Variants in ZBTB7A observed in about 807,000 individuals in gnomAD.
ZBTB7A encodes the protein zinc finger and BTB domain containing 7A.
A neutral mutation model predicts 26.7 loss-of-function variants in ZBTB7A; 7 were observed. The ratio of observed to expected loss-of-function variants is 0.26; its 90% CI spans 0.15 to 0.49. ZBTB7A has a LOEUF of 0.49. Among genes scored for constraint, ZBTB7A ranks in the 20% least tolerant of loss-of-function variants. ZBTB7A has a pLI of 0.98. For synonymous variants in ZBTB7A, 452 were observed against 441.0 expected (o/e 1.02, Z -0.31); for missense variants, 617 against 919.5 (o/e 0.67, Z 4.25).
chr19:4,059,882 G>A (rs1481420324), intron 1 of ZBTB7A, among the ~76,000 whole-genome samples: 7 of 152,146 alleles, frequency 4.6e-5, no homozygotes, highest in Admixed American at 3.3e-4. Context: ...ACAAAGTCTT[G>A]GCAATAAAAA....
rs756070378 is a variant in ZBTB7A at position 4,047,715 on chromosome 19, C to T, written c.*37G>A. ...TGATTTTTTTTCTCTCTCTCTGTCT[C>T]TCTCTTTCTCGGGTTTCTGTTTTCT... On this transcript the variant is annotated 3_prime_UTR_variant, in exon 3 of 3. Transcript: ENST00000322357. 8 of 1,563,826 alleles carry T rather than the reference C, an allele frequency of 5.1e-6. No homozygotes were observed. The African/African-American group carries it at 5.6e-5, about 11-fold the overall frequency.
In ZBTB7A at chr19:4,045,648, C is replaced by T. The variant is rs1458884676; in HGVS notation, c.*2104G>A. 1.1e-5 allele frequency: 4 copies of T among 367,508 alleles called. No individual in the cohort carries two copies. The highest frequency in any genetic ancestry group is 8.4e-5 in the African/African-American group (4 of 47,792). The allele number at this position is 367,508 out of a possible 1,614,324, so 22.8% of individuals were successfully genotyped here. A position where few individuals can be genotyped will look rare whatever the true frequency, so the allele number is the denominator to read the frequency against. Reference sequence around the variant, plus strand: ...GGTCGGGGGCAGGGAGACACCCCCCCGCCGGTTGGGCATTGACAAGAAGTC... The same window carrying T: ...GGTCGGGGGCAGGGAGACACCCCCCTGCCGGTTGGGCATTGACAAGAAGTC... On this transcript the variant is annotated 3_prime_UTR_variant, in exon 3 of 3. Transcript: ENST00000322357. The surrounding 1 kb of genome is among the most constrained non-coding windows in gnomAD (Gnocchi z 4.1).
chr19:4,054,243 C>A lies in ZBTB7A; in HGVS notation c.990G>T (p.Ala330=). The A allele has an allele frequency of 6.3e-7, 1 of 1,580,590 alleles. No homozygotes were observed. The highest frequency in any genetic ancestry group is 2.3e-5 in the East Asian group (1 of 44,280). ...CGTCGCTGTCCCCCGCCGCGGCCCCCGCCCGGCCCACCGATGACATCATCT... is the reference window on the plus strand; with the variant it reads ...CGTCGCTGTCCCCCGCCGCGGCCCCAGCCCGGCCCACCGATGACATCATCT... ...LQQMMSSVGR[A]GAAAGDSDEE... The change falls in exon 2 of 3, where the codon GCG becomes GCT. Residue 330 remains alanine (A), a synonymous_variant. Transcript: ENST00000322357.
At chr19:4,061,465 C>G (rs552179275) in intron 1 of ZBTB7A, 1 of 152,180 alleles carries the variant, frequency 6.6e-6, no homozygotes, top group South Asian at 2.1e-4. Flanking sequence ...GCCCAGTCCT[C>G]GGCCTGGGTT....
intron 1 of ZBTB7A, among the ~76,000 whole-genome samples, chr19:4,063,201 C>T (rs1029147390): frequency 2.6e-5 from 4 of 152,302 alleles, no homozygotes; most frequent in East Asian, 1.9e-4. Context: ...AAAGACACCA[C>T]GGGTGGCTTT....
rs749231615 is a variant in ZBTB7A at position 4,054,867 on chromosome 19, C to T, written c.366G>A (p.Val122=). The T allele has an allele frequency of 5.6e-6, 9 of 1,610,034 alleles. No individual in the cohort carries two copies. The highest frequency in any genetic ancestry group is 7.6e-6 in the Non-Finnish European group (9 of 1,178,262). The change falls in exon 2 of 3, where the codon GTG becomes GTA. Residue 122 remains valine, a synonymous_variant. Transcript: ENST00000322357. ...RLLEIPAVSH[V]CADLLDRQIL... is the part of the protein sequence containing the mutation. ...TCTGCCGGTCCAGGAGGTCGGCGCACACGTGGCTCACGGCGGGGATCTCCA... is the reference window on the plus strand; with the variant it reads ...TCTGCCGGTCCAGGAGGTCGGCGCATACGTGGCTCACGGCGGGGATCTCCA...
In ZBTB7A at chr19:4,054,672, G is replaced by A. The variant is rs750017590; in HGVS notation, c.561C>T (p.Ala187=). Residue 187 remains alanine, a synonymous_variant, in exon 2 of 3, where the codon GCC becomes GCT. Coordinates refer to ENST00000322357, the MANE Select transcript of ZBTB7A (RefSeq NM_015898.4). ...AAAAASFPWS[A]FGASDDDLDA... The stretch of plus-strand genomic sequence containing the variant: ...CCAGGTCATCATCGGACGCCCCAAA[G>A]GCGGACCACGGGAAGCTGGCAGCGG... The A allele has an allele frequency of 2.1e-5, 34 of 1,596,984 alleles. No individual in the cohort carries two copies. Among genetic ancestry groups the A allele is most frequent in the Non-Finnish European group, 2.8e-5 (33 of 1,172,336 alleles).
At chr19:4,053,681 G>T (rs2040532064) in intron 2 of ZBTB7A, among the ~76,000 whole-genome samples, 1 of 151,644 alleles carries the variant, frequency 6.6e-6, no homozygotes, top group South Asian at 2.1e-4. Context: ...TGTGGTGTGC[G>T]TGTGCGTGTG....
intron 1 of ZBTB7A, among the ~76,000 whole-genome samples, chr19:4,057,963 C>A (rs1210624139): frequency 5.3e-5 from 8 of 152,144 alleles, no homozygotes; most frequent in Non-Finnish European, 4.4e-5. Flanking sequence ...GACCCCTTGG[C>A]CTCCCCAACC....
In ZBTB7A at chr19:4,054,066, C is replaced by T. The variant is rs769629370; in HGVS notation, c.1167G>A (p.Lys389=). Reference sequence around the variant, plus strand: ...GCAGCTTGCCGGCGCCCTGGATGACCTTCTCGCAGATGGGGCACTTCTGGA... The same window carrying T: ...GCAGCTTGCCGGCGCCCTGGATGACTTTCTCGCAGATGGGGCACTTCTGGA... The part of the protein sequence containing the change: ...KAFQKCPICE[K]VIQGAGKLPR... Residue 389 remains lysine, a synonymous_variant, in exon 2 of 3, where the codon AAG becomes AAA. Transcript: ENST00000322357. 2 of 1,612,276 alleles carry T rather than the reference C, an allele frequency of 1.2e-6. No individual in the cohort carries two copies. Among genetic ancestry groups the T allele is most frequent in the East Asian group, 2.2e-5 (1 of 44,878 alleles).
Position 4,051,039 on chromosome 19 carries a change from A to T in ZBTB7A, c.1263-2795T>A, listed in dbSNP as rs112929391. ...CTTGAACCTGGGAGGTGGAGGTTGCAGTGAGCTGAGATCGTGCCACTGCAC... is the reference window on the plus strand; with the variant it reads ...CTTGAACCTGGGAGGTGGAGGTTGCTGTGAGCTGAGATCGTGCCACTGCAC... On this transcript the variant is annotated intron_variant, in intron 2 of 2. Coordinates refer to ENST00000322357, the MANE Select transcript of ZBTB7A (RefSeq NM_015898.4). Among the ~76,000 whole-genome samples, 308 of 134,024 alleles carry T rather than the reference A, an allele frequency of 2.3e-3. 2 individuals carry two copies. The highest frequency in any genetic ancestry group is 2.9e-3 in the Non-Finnish European group (185 of 64,886). 87.9% of individuals were successfully genotyped at this position (134,024 alleles called of 152,430 possible). A position where few individuals can be genotyped will look rare whatever the true frequency, so the allele number is the denominator to read the frequency against.
At chr19:4,056,450 G>A (rs1404327671) in intron 1 of ZBTB7A, among the ~76,000 whole-genome samples, 1 of 152,176 alleles carries the variant, frequency 6.6e-6, no homozygotes, top group Admixed American at 6.5e-5. Flanking sequence ...TTTGAGGCCC[G>A]GCTCGGTGCT....
In ZBTB7A at chr19:4,043,304, G is replaced by C. The variant is rs1457032500; in HGVS notation, c.*4448C>G. 6.6e-6 allele frequency among the ~76,000 whole-genome samples: 1 copy of C among 150,608 alleles called. No homozygotes were observed. Among genetic ancestry groups the C allele is most frequent in the Admixed American group, 6.6e-5 (1 of 15,170 alleles). On this transcript the variant is annotated 3_prime_UTR_variant, in exon 3 of 3. Transcript: ENST00000322357. Reference sequence around the variant, plus strand: ...AAATGAGGCGACTGAGGCGGCAGCGGTCGTAACAGGCTGCGTTTAGTGGTT... The same window carrying C: ...AAATGAGGCGACTGAGGCGGCAGCGCTCGTAACAGGCTGCGTTTAGTGGTT...
intron 1 of ZBTB7A, among the ~76,000 whole-genome samples, chr19:4,065,153 CAAGGG>C (rs1318181321): frequency 3.3e-5 from 5 of 151,478 alleles, no homozygotes; most frequent in Admixed American, 3.3e-4. Flanking sequence ...GTGGTGGCGT[CAAGGG>C]AAAGGAGGGG....
At position 4,066,699 on chromosome 19, in the gene ZBTB7A, G is replaced by C. The variant is rs1380963840; in HGVS notation, c.-33C>G. ...TGACTTACCTCGCGGGGCCGGGCCG[G>C]GGCGCGCGGGGCCGGGGCCCGAAGT... On this transcript the variant is annotated 5_prime_UTR_variant, in exon 1 of 3. Coordinates refer to ENST00000322357, the MANE Select transcript of ZBTB7A (RefSeq NM_015898.4). 1 of 151,116 alleles carries C rather than the reference G, an allele frequency of 6.6e-6. No homozygotes were observed. The highest frequency in any genetic ancestry group is 2.4e-5 in the African/African-American group (1 of 41,214). The allele number at this position is 151,116 out of a possible 1,614,324, so 9.4% of individuals were successfully genotyped here.
intron 1 of ZBTB7A, among the ~76,000 whole-genome samples, chr19:4,058,094 C>G (rs1171178572): frequency 6.6e-6 from 1 of 152,208 alleles, no homozygotes; most frequent in Non-Finnish European, 1.5e-5. Context: ...TCAAGGCCAC[C>G]GTGGGTGTGC....
At chr19:4,056,504 A>C (rs2040579715) in intron 1 of ZBTB7A, among the ~76,000 whole-genome samples, 1 of 152,168 alleles carries the variant, frequency 6.6e-6, no homozygotes, top group Non-Finnish European at 1.5e-5. Context: ...AGGTGGGCAG[A>C]TCACTTGAGG....
Position 4,048,267 on chromosome 19 carries a change from G to A in ZBTB7A, c.1263-23C>T. ...TGCCTGTGGACGGGGCACGGGGCGG[G>A]CACGGTCAGTGGGGCCGGGGACCCC... On this transcript the variant is annotated intron_variant, in intron 2 of 2. Transcript: ENST00000322357. The surrounding 1 kb of genome is among the most constrained non-coding windows in gnomAD (Gnocchi z 6.7). 2 of 1,555,926 alleles carry A rather than the reference G, an allele frequency of 1.3e-6. No homozygotes were observed. Among genetic ancestry groups the A allele is most frequent in the South Asian group, 1.2e-5 (1 of 85,778 alleles).
chr19:4,048,385 G>A lies in ZBTB7A; in HGVS notation c.1263-141C>T, dbSNP rs565753004. 5.7e-6 allele frequency: 7 copies of A among 1,220,532 alleles called. No individual in the cohort carries two copies. In the South Asian group the frequency reaches 7.5e-5, roughly 13 times the overall value. The allele number at this position is 1,220,532 out of a possible 1,614,324, so 75.6% of individuals were successfully genotyped here. A position where few individuals can be genotyped will look rare whatever the true frequency, so the allele number is the denominator to read the frequency against. On this transcript the variant is annotated intron_variant, in intron 2 of 2. Transcript: ENST00000322357. This position sits in a 1 kb window ranked among gnomAD's most constrained non-coding sequence, Gnocchi z 6.7. ...CGTGCACCAGAGGTTTCGGTGCCCC[G>A]ATGGGGACGGTCCCTCGAAAAACGA...
Sources: gnomAD v4.1 joint callset for allele counts (sites outside exome capture counted in the v4.1 genomes callset) on GRCh38, gnomAD v4.1.1 for gene constraint, Gnocchi (gnomAD v3.1) non-coding constraint, MANE v1.5 for transcripts, NCBI Gene and HGNC (gene_info 2026-07-23, HGNC 2026-07-21) for gene names.